The following GAMT variants were observed in gnomAD, a reference collection of about 807,000 sequenced individuals.
GAMT encodes the protein epididymis secretory protein Li 20.
In GAMT, 26 loss-of-function variants were observed where a neutral mutation model predicts 26.9. That is an observed-to-expected ratio of 0.97 (90% CI 0.71 to 1.34). The LOEUF (loss-of-function observed/expected upper bound fraction) is 1.34, where lower values mean the gene tolerates loss of function less well. Among genes scored for constraint, GAMT ranks in the 40% most tolerant of loss-of-function variants. The pLI is 0.00. For synonymous variants in GAMT, 169 were observed against 149.6 expected (o/e 1.13, Z -0.95); for missense variants, 412 against 345.0 (o/e 1.19, Z -1.54).
chr19:1,401,539 G>A lies in GAMT; in HGVS notation c.-63C>T, dbSNP rs2082634614. 2 of 1,146,764 alleles carry A rather than the reference G, an allele frequency of 1.7e-6. No homozygotes were observed. Among genetic ancestry groups the A allele is most frequent in the Non-Finnish European group, 2.2e-6 (2 of 911,292 alleles). The allele number at this position is 1,146,764 out of a possible 1,614,324, so 71.0% of individuals were successfully genotyped here. A position where few individuals can be genotyped will look rare whatever the true frequency, so the allele number is the denominator to read the frequency against. On this transcript the variant is annotated 5_prime_UTR_variant, in exon 1 of 6. Coordinates refer to ENST00000252288, the MANE Select transcript of GAMT (RefSeq NM_000156.6). The stretch of plus-strand genomic sequence containing the variant: ...CCGCCCGGGCCCGCTCCCTGCAGGG[G>A]CTTGTGGGCCGGGGGCGGGTCCAAC...
In GAMT at chr19:1,399,281, G is replaced by A; in HGVS notation, c.392-86C>T. The A allele has an allele frequency of 2.9e-5, 42 of 1,464,018 alleles. No individual in the cohort carries two copies. Among genetic ancestry groups the A allele is most frequent in the Non-Finnish European group, 3.9e-5 (41 of 1,045,352 alleles). The allele number at this position is 1,464,018 out of a possible 1,614,324, so 90.7% of individuals were successfully genotyped here. On this transcript the variant is annotated intron_variant, in intron 3 of 5. Transcript: ENST00000252288. The surrounding 1 kb of genome is among the most constrained non-coding windows in gnomAD (Gnocchi z 6.2). Reference sequence around the variant, plus strand: ...CCCGGCTCATCCCCCAGCGGGTGGAGGTGCAGTGAGACGGGGCCGTGGGTA... The same window carrying A: ...CCCGGCTCATCCCCCAGCGGGTGGAAGTGCAGTGAGACGGGGCCGTGGGTA...
At chr19:1,398,199 G>T in intron 5 of GAMT, 1 of 533,966 alleles carries the variant, frequency 1.9e-6, no homozygotes, top group Non-Finnish European at 2.4e-6. Context: ...CCATGTTCAA[G>T]TGATTCTCAT....
At position 1,397,456 on chromosome 19, in the gene GAMT, T is replaced by TC; in HGVS notation, c.613dup (p.Glu205GlyfsTer62). 6.2e-7 allele frequency: 1 copy of TC among 1,609,522 alleles called. No homozygotes were observed. The highest frequency in any genetic ancestry group is 8.5e-7 in the Non-Finnish European group (1 of 1,179,886). ...CGCCATCACCTCCGTACGGATGTTCTCCCTCCGGAAGCCGGCCTCCAGCAG... is the reference window on the plus strand; with the variant it reads ...CGCCATCACCTCCGTACGGATGTTCTCCCCTCCGGAAGCCGGCCTCCAGCAG... On this transcript the variant is annotated frameshift_variant, in exon 6 of 6. Transcript: ENST00000252288. LOFTEE classifies it high-confidence loss of function.
intron 1 of GAMT, 69 bp from the exon 2 acceptor site, chr19:1,400,007 ACAGGG>A (rs1245044654): frequency 2.1e-5 from 33 of 1,536,288 alleles, no homozygotes; most frequent in East Asian, 1.4e-4. Context: ...GAGGAGGGGC[ACAGGG>A]CAGGGCAGGG....
At chr19:1,398,406 A>ATT in intron 5 of GAMT, 4 of 319,004 alleles carry the variant, frequency 1.3e-5, no homozygotes, top group Non-Finnish European at 1.7e-5. Flanking sequence ...CCTGATTTCC[A>ATT]TTTTTTTTTT....
rs1198262838 is a variant in GAMT, at chr19:1,399,715, C to T, written c.327+78G>A. 6 of 1,529,652 alleles carry T rather than the reference C, an allele frequency of 3.9e-6. No homozygotes were observed. The highest frequency in any genetic ancestry group is 5.3e-6 in the Non-Finnish European group (6 of 1,138,408). 94.8% of individuals were successfully genotyped at this position (1,529,652 alleles called of 1,614,324 possible). The stretch of plus-strand genomic sequence containing the variant: ...CCACCTCCTCCACCTCTGACAGCCC[C>T]AGGCCCCCAACCCCCAGGAAGCAGT... On this transcript the variant is annotated intron_variant, in intron 2 of 5. Transcript: ENST00000252288. This position sits in a 1 kb window ranked among gnomAD's most constrained non-coding sequence, Gnocchi z 6.2.
intron 1 of GAMT, 143 bp downstream of exon 1, chr19:1,401,153 C>T: frequency 8.6e-6 from 6 of 695,790 alleles, no homozygotes; most frequent in South Asian, 3.4e-5. Context: ...CCTCCGTGTG[C>T]CCCCACCTGC....
Position 1,399,846 on chromosome 19 carries a change from T to C in GAMT, c.274A>G (p.Asn92Asp). 1.3e-6 allele frequency: 2 copies of C among 1,597,424 alleles called. No individual in the cohort carries two copies. Among genetic ancestry groups the C allele is most frequent in the Non-Finnish European group, 1.7e-6 (2 of 1,172,782 alleles). Reference protein sequence around the residue: ...PIDEHWIIECNDGVFQRLRDW... With the variant: ...PIDEHWIIECDDGVFQRLRDW... ...CGGAGCCGCTGGAAGACGCCGTCAT[T>C]GCACTCGATGATCCAATGCTCATCA... The change falls in exon 2 of 6, where the codon AAT (asparagine) becomes GAT (aspartate). Residue 92 changes from asparagine to aspartate, a missense_variant. Transcript: ENST00000252288. The surrounding 1 kb of genome is among the most constrained non-coding windows in gnomAD (Gnocchi z 6.2).
At position 1,399,511 on chromosome 19, in the gene GAMT, C is replaced by T. The variant is rs1404921982; in HGVS notation, c.391+13G>A. ...GGGAGGCCCACCCTGTGATACGTCCCCTCACCCCTCACCATCAAAGTGACC... is the reference window on the plus strand; with the variant it reads ...GGGAGGCCCACCCTGTGATACGTCCTCTCACCCCTCACCATCAAAGTGACC... On this transcript the variant is annotated intron_variant, in intron 3 of 5. Transcript: ENST00000252288. This position sits in a 1 kb window ranked among gnomAD's most constrained non-coding sequence, Gnocchi z 6.2. The T allele has an allele frequency of 6.2e-7, 1 of 1,610,576 alleles. No homozygotes were observed. The highest frequency in any genetic ancestry group is 8.5e-7 in the Non-Finnish European group (1 of 1,178,338).
chr19:1,397,775 G>T (rs1352459780), intron 5 of GAMT: 1 of 1,352,284 alleles, frequency 7.4e-7, no homozygotes, highest in Non-Finnish European at 9.5e-7. Flanking sequence ...GACCTTGCCA[G>T]TGTGGCGGGT....
chr19:1,397,280 A>C lies in GAMT; in HGVS notation c.*79T>G, dbSNP rs1483974906. The C allele has an allele frequency of 6.6e-7, 1 of 1,505,172 alleles. No homozygotes were observed. Among genetic ancestry groups the C allele is most frequent in the East Asian group, 2.4e-5 (1 of 40,962 alleles). The allele number at this position is 1,505,172 out of a possible 1,614,324, so 93.2% of individuals were successfully genotyped here. On this transcript the variant is annotated 3_prime_UTR_variant, in exon 6 of 6. Coordinates refer to ENST00000252288, the MANE Select transcript of GAMT (RefSeq NM_000156.6). ...GGTGACACACAGCTGGGATCAGCCCAGGGCTGGTGCGACACCCTGGACTCC... is the reference window on the plus strand; with the variant it reads ...GGTGACACACAGCTGGGATCAGCCCCGGGCTGGTGCGACACCCTGGACTCC...
chr19:1,399,313 G>A lies in GAMT; in HGVS notation c.392-118C>T. On this transcript the variant is annotated intron_variant, in intron 3 of 5. Transcript: ENST00000252288. This position sits in a 1 kb window ranked among gnomAD's most constrained non-coding sequence, Gnocchi z 6.2. ...TGAGACGGGGCCGTGGGTAGAGGTG[G>A]GGCTCCCACACAGGCTTGAGAACCC... 1.6e-6 allele frequency: 2 copies of A among 1,220,556 alleles called. No individual in the cohort carries two copies. Among genetic ancestry groups the A allele is most frequent in the South Asian group, 2.5e-5 (2 of 81,442 alleles). 75.6% of individuals were successfully genotyped at this position (1,220,556 alleles called of 1,614,324 possible).
rs1368232507 is a variant in GAMT, at chr19:1,397,329, G to A, written c.*30C>T. 4 of 1,595,868 alleles carry A rather than the reference G, an allele frequency of 2.5e-6. No individual in the cohort carries two copies. The African/African-American group carries it at 4.0e-5, about 16-fold the overall frequency. On this transcript the variant is annotated 3_prime_UTR_variant, in exon 6 of 6. Coordinates refer to ENST00000252288, the MANE Select transcript of GAMT (RefSeq NM_000156.6). Reference sequence around the variant, plus strand: ...CCCGGCCAGGAAGGCACGGAGGAGGGCATGGGTGTGGCCGGGCCGGGGTGG... The same window carrying A: ...CCCGGCCAGGAAGGCACGGAGGAGGACATGGGTGTGGCCGGGCCGGGGTGG...
chr19:1,400,398 C>A (rs2082627183), intron 1 of GAMT, among the ~76,000 whole-genome samples: 1 of 152,022 alleles, frequency 6.6e-6, no homozygotes, highest in Non-Finnish European at 1.5e-5. Flanking sequence ...CAGAGGCGGG[C>A]GGAACACAGT....
rs2144638523 is a variant in GAMT at position 1,399,925 on chromosome 19, C to T, written c.195G>A (p.Leu65=). The T allele has an allele frequency of 3.1e-6, 5 of 1,607,530 alleles. No homozygotes were observed. The highest frequency in any genetic ancestry group is 4.2e-6 in the Non-Finnish European group (5 of 1,178,022). ...CGATGGCCATGCCAAAGCCCACCTC[C>T]AGGACCCGGCCCCCTGGGCAGACAC... The part of the protein sequence containing the change: ...AAASSKGGRV[L]EVGFGMAIAA... The change falls in exon 2 of 6, where the codon CTG becomes CTA. Residue 65 remains leucine (L), a synonymous_variant. Transcript: ENST00000252288. The surrounding 1 kb of genome is among the most constrained non-coding windows in gnomAD (Gnocchi z 6.2).
intron 1 of GAMT, 79 bp downstream of exon 1, chr19:1,401,217 C>T: frequency 8.3e-7 from 1 of 1,206,796 alleles, no homozygotes; most frequent in South Asian, 2.2e-5. Context: ...GGGTGGGCTG[C>T]AGAGTCCCCG....
chr19:1,401,188 C>G, intron 1 of GAMT, 108 bp downstream of exon 1: 1 of 1,016,044 alleles, frequency 9.8e-7, no homozygotes, highest in Non-Finnish European at 1.3e-6. Context: ...GGCGAGGAGA[C>G]AGAGGCGCCC....
intron 1 of GAMT, among the ~76,000 whole-genome samples, chr19:1,400,697 C>T (rs2082628981): frequency 6.6e-6 from 1 of 152,160 alleles, no homozygotes; most frequent in Admixed American, 6.5e-5. Context: ...CACACATGGG[C>T]CCCCCGCTCA....
In GAMT at chr19:1,398,993, C is replaced by T. The variant is rs1050914; in HGVS notation, c.493G>A (p.Val165Ile). Residue 165 changes from valine (V) to isoleucine (I), a missense_variant, in exon 5 of 6, where the codon GTC becomes ATC. Coordinates refer to ENST00000252288, the MANE Select transcript of GAMT (RefSeq NM_000156.6). ...GAGGTGAGGTTGCAGTAGGTGAGGACGCCCCCCGGCTTCAGCAGGCGAAAG... is the reference window on the plus strand; with the variant it reads ...GAGGTGAGGTTGCAGTAGGTGAGGATGCCCCCCGGCTTCAGCAGGCGAAAG... ...HAFRLLKPGG[V>I]LTYCNLTSWG... 2.2e-5 allele frequency: 35 copies of T among 1,613,314 alleles called. No individual in the cohort carries two copies. Among genetic ancestry groups the T allele is most frequent in the East Asian group, 4.5e-5 (2 of 44,894 alleles).
Sources: gnomAD v4.1 joint callset for allele counts (sites outside exome capture counted in the v4.1 genomes callset) on GRCh38, gnomAD v4.1.1 for gene constraint, Gnocchi (gnomAD v3.1) non-coding constraint, MANE v1.5 for transcripts, NCBI Gene and HGNC (gene_info 2026-07-23, HGNC 2026-07-21) for gene names.